Variants in MTCL1 observed in about 807,000 individuals in gnomAD.
MTCL1 encodes the protein microtubule cross-linking factor 1.
Under a neutral mutation model 141.4 loss-of-function variants are expected in MTCL1, and 79 were observed. The ratio of observed to expected loss-of-function variants is 0.56; its 90% confidence interval spans 0.47 to 0.67. The LOEUF is 0.67. Ranked by LOEUF, MTCL1 falls within the 30% of genes least tolerant of loss-of-function variation. MTCL1 has a pLI of 0.00. For synonymous variants in MTCL1, 914 were observed against 875.8 expected, an observed-to-expected ratio of 1.04 and a Z score of -0.77; for missense variants, 2,177 against 2,113.9, an observed-to-expected ratio of 1.03 and a Z score of -0.59.
At chr18:8,762,609 T>G (rs900305767) in intron 4 of MTCL1, among the ~76,000 whole-genome samples, 1 of 152,178 alleles carries the variant, frequency 6.6e-6, no homozygotes, top group African/African-American at 2.4e-5. Flanking sequence ...AGGACGGAAA[T>G]TGATGATGAC....
At chr18:8,745,618 C>T (rs1232930322) in intron 4 of MTCL1, among the ~76,000 whole-genome samples, 2 of 152,142 alleles carry the variant, frequency 1.3e-5, no homozygotes, top group Non-Finnish European at 2.9e-5. Context: ...CGTCACTGTT[C>T]GTTTCCCGGT....
upstream of MTCL1, among the ~76,000 whole-genome samples, chr18:8,716,108 G>C (rs1254421074): frequency 6.6e-6 from 1 of 152,232 alleles, no homozygotes; most frequent in Non-Finnish European, 1.5e-5. Flanking sequence ...TCAGTGTTAA[G>C]ATTGATCTTT....
chr18:8,789,843 T>C (rs767609719), intron 7 of MTCL1: 9 of 348,022 alleles, frequency 2.6e-5, no homozygotes, highest in Non-Finnish European at 3.2e-5. Context: ...TCCAAATGTA[T>C]GTGGTTGTAT....
chr18:8,765,272 A>G (rs1435216383), intron 4 of MTCL1, among the ~76,000 whole-genome samples: 1 of 152,218 alleles, frequency 6.6e-6, no homozygotes, highest in African/African-American at 2.4e-5. Context: ...GTGGAGGTAG[A>G]AGGAAGATGA....
intron 12 of MTCL1, among the ~76,000 whole-genome samples, chr18:8,815,064 C>T (rs1457265730): frequency 2.0e-5 from 3 of 152,052 alleles, no homozygotes; most frequent in Admixed American, 1.3e-4. Flanking sequence ...GTCAGTGTGG[C>T]GATTCCTCAG....
At chr18:8,778,481 T>C (rs1201319143) in intron 5 of MTCL1, among the ~76,000 whole-genome samples, 5 of 152,334 alleles carry the variant, frequency 3.3e-5, no homozygotes, top group Middle Eastern at 3.4e-3. Context: ...TATTGGGATA[T>C]CAGCTCACTG....
intron 1 of MTCL1, among the ~76,000 whole-genome samples, chr18:8,710,995 C>T (rs1320773031): frequency 1.2e-4 from 18 of 150,814 alleles, no homozygotes; most frequent in Admixed American, 3.3e-4. Flanking sequence ...CCCACTAACT[C>T]GTCATCTAGC....
intron 1 of MTCL1, among the ~76,000 whole-genome samples, chr18:8,706,918 C>T (rs958119662): frequency 6.6e-6 from 1 of 152,242 alleles, no homozygotes; most frequent in African/African-American, 2.4e-5. Flanking sequence ...CCCGCCAGTT[C>T]GCAACCCACT....
At position 8,726,962 on chromosome 18, in the gene MTCL1, G is replaced by A. The variant is rs571606790; in HGVS notation, c.357+6466G>A. 1.1e-3 allele frequency among the ~76,000 whole-genome samples: 174 copies of A among 152,042 alleles called. 1 individual carries two copies. Among genetic ancestry groups the A allele is most frequent in the African/African-American group, 4.1e-3 (168 of 41,460 alleles). ...CACCACCATCCCGCCCATTCTCCCC[G>A]CTTAAGGACTCCCCAGTGTCTATTA... On this transcript the variant is annotated intron_variant, in intron 4 of 16. Transcript: ENST00000359865.
chr18:8,792,493 A>G (rs2075766713), intron 7 of MTCL1, among the ~76,000 whole-genome samples: 2 of 151,718 alleles, frequency 1.3e-5, no homozygotes, highest in Non-Finnish European at 2.9e-5. Flanking sequence ...GACCACCTTG[A>G]TAAAGACACC....
intron 7 of MTCL1, chr18:8,789,784 G>A (rs1568042626): frequency 1.2e-6 from 1 of 849,584 alleles, no homozygotes; most frequent in Non-Finnish European, 1.4e-6. Flanking sequence ...GTGGTAAAGG[G>A]AAATATTTAT....
chr18:8,713,908 G>C (rs1412933543), upstream of MTCL1, among the ~76,000 whole-genome samples: 1 of 152,170 alleles, frequency 6.6e-6, no homozygotes, highest in Non-Finnish European at 1.5e-5. Flanking sequence ...GCACCACTGC[G>C]CTCCAGGTTG....
chr18:8,780,513 G>A (rs1466680335), intron 5 of MTCL1, among the ~76,000 whole-genome samples: 1 of 152,242 alleles, frequency 6.6e-6, no homozygotes, highest in Admixed American at 6.5e-5. Context: ...CTCTGCTGCT[G>A]TGGATTTCTC....
In MTCL1 at chr18:8,825,064, C is replaced by T. The variant is rs1316330023; in HGVS notation, c.3554C>T (p.Thr1185Ile). ...CAGCCACTGCGGAGCCACGTCCTCA[C>T]CGAGCAGTCGGGGTTGCGCGTGTTA... is the stretch of plus-strand genomic sequence containing the variant. The change falls in exon 15 of 17, where the codon ACC becomes ATC. Residue 1185 changes from threonine to isoleucine, a missense_variant. Thr to Ile is a moderately conservative substitution (Grantham distance 89). Transcript: ENST00000359865. 5 of 1,612,522 alleles carry T rather than the reference C, an allele frequency of 3.1e-6. No individual in the cohort carries two copies. The Admixed American group carries it at 8.3e-5, about 27-fold the overall frequency.
chr18:8,824,191 C>T (rs2076937583), intron 14 of MTCL1, among the ~76,000 whole-genome samples: 1 of 152,190 alleles, frequency 6.6e-6, no homozygotes, highest in Admixed American at 6.5e-5. Flanking sequence ...TTGCTGGCAC[C>T]CCTGCAGCAC....
intron 6 of MTCL1, 80 bp downstream of exon 5, chr18:8,784,923 C>T (rs1007462392): frequency 3.7e-5 from 47 of 1,275,246 alleles, no homozygotes; most frequent in East Asian, 3.6e-4. Flanking sequence ...CTCGGGCTCA[C>T]GCTGCTCACG....
Position 8,813,147 on chromosome 18 carries a change from G to C in MTCL1, c.2773G>C (p.Glu925Gln). 6.2e-7 allele frequency: 1 copy of C among 1,614,132 alleles called. No homozygotes were observed. Among genetic ancestry groups the C allele is most frequent in the Non-Finnish European group, 8.5e-7 (1 of 1,180,008 alleles). ...TCACAGCGAGAAGAACTGGAACCGGGAGAAGGTGGAACTTCTCGACCGCCT... is the reference window on the plus strand; with the variant it reads ...TCACAGCGAGAAGAACTGGAACCGGCAGAAGGTGGAACTTCTCGACCGCCT... The change falls in exon 12 of 17, where the codon GAG becomes CAG. Residue 925 changes from glutamate (E) to glutamine (Q), a missense_variant. Coordinates refer to ENST00000359865, the Ensembl canonical transcript of MTCL1.
intron 4 of MTCL1, among the ~76,000 whole-genome samples, chr18:8,729,638 A>C (rs1555630622): frequency 8.7e-6 from 1 of 114,400 alleles, no homozygotes; most frequent in African/African-American, 3.8e-5. Flanking sequence ...TCCTGGACTC[A>C]AGTGATCCTC....
exon 6 of MTCL1, chr18:8,783,854 C>A: frequency 6.2e-7 from 1 of 1,612,916 alleles, no homozygotes. Flanking sequence ...CCAGCAGGAG[C>A]GGGAGGGCCC....
Sources: allele counts gnomAD v4.1 joint callset (sites outside exome capture counted in the v4.1 genomes callset), GRCh38; gene constraint gnomAD v4.1.1; transcripts MANE v1.5; gene names NCBI Gene and HGNC (gene_info 2026-07-23, HGNC 2026-07-21).